UBE2R2: variants seen among roughly 807,000 people sequenced by gnomAD.
UBE2R2 encodes the protein ubiquitin conjugating enzyme E2 R2, also known as ubiquitin-conjugating enzyme E2 R2.
In UBE2R2, 1 loss-of-function variant was observed where a neutral mutation model predicts 27.8. The ratio of observed to expected loss-of-function variants is 0.04; its 90% confidence interval spans 0.01 to 0.17. The LOEUF (loss-of-function observed/expected upper bound fraction) is 0.17. Ranked by LOEUF, UBE2R2 falls within the 10% of genes least tolerant of loss-of-function variation. The pLI is 1.00. For missense variants in UBE2R2, 100 were observed against 291.0 expected, an observed-to-expected ratio of 0.34 and a Z score of 4.78; for synonymous variants, 106 against 113.3, an observed-to-expected ratio of 0.94 and a Z score of 0.41.
intron 2 of UBE2R2, among the ~76,000 whole-genome samples, chr9:33,897,278 C>T (rs566388327): frequency 4.0e-5 from 6 of 150,032 alleles, no homozygotes; most frequent in Middle Eastern, 3.4e-3. Flanking sequence ...CCTCGTGATC[C>T]GCTGGCCTCG....
intron 2 of UBE2R2, among the ~76,000 whole-genome samples, chr9:33,892,001 T>C (rs1821997356): frequency 6.6e-6 from 1 of 152,254 alleles, no homozygotes; most frequent in South Asian, 2.1e-4. Context: ...TATGTGTGTG[T>C]GCATATATAT....
chr9:33,825,789 C>A (rs1432389870), intron 1 of UBE2R2, among the ~76,000 whole-genome samples: 3 of 152,130 alleles, frequency 2.0e-5, no homozygotes, highest in Non-Finnish European at 4.4e-5. Context: ...AGGTTTAATT[C>A]TTTTATGTTT....
At chr9:33,845,818 G>A (rs1483435076) in intron 1 of UBE2R2, among the ~76,000 whole-genome samples, 1 of 151,602 alleles carries the variant, frequency 6.6e-6, no homozygotes, top group Non-Finnish European at 1.5e-5. Flanking sequence ...GACCAGCCTG[G>A]CCAACATGGC....
rs2130809579 is a variant in UBE2R2 at position 33,900,186 on chromosome 9, T to C, written c.277T>C (p.Cys93Arg). The stretch of plus-strand genomic sequence containing the variant: ...TTGTGTCTTGTAGAATGGAGATGTA[T>C]GCATTTCGATTCTTCATCCGCCTGT... The part of the protein sequence containing the change: ...HPNIYENGDV[C>R]ISILHPPVDD... The change falls in exon 3 of 5, where the codon TGC becomes CGC. Residue 93 changes from cysteine to arginine, a missense_variant. Transcript: ENST00000263228. The C allele has an allele frequency of 6.2e-7, 1 of 1,612,846 alleles. No homozygotes were observed. The highest frequency in any genetic ancestry group is 1.3e-5 in the African/African-American group (1 of 75,012).
chr9:33,865,968 A>G (rs1169809369), intron 1 of UBE2R2, among the ~76,000 whole-genome samples: 4 of 151,568 alleles, frequency 2.6e-5, no homozygotes, highest in African/African-American at 4.8e-5. Context: ...AGTAGCTAGG[A>G]TTACGGGTGC....
chr9:33,900,440 A>G (rs1335626253), intron 3 of UBE2R2, among the ~76,000 whole-genome samples, 169 bp downstream of exon 3: 1 of 152,148 alleles, frequency 6.6e-6, no homozygotes, highest in Non-Finnish European at 1.5e-5. Flanking sequence ...CATTTTGAAG[A>G]GCTGTATTTA....
intron 1 of UBE2R2, among the ~76,000 whole-genome samples, chr9:33,861,682 G>C (rs1000321428): frequency 1.3e-5 from 2 of 151,848 alleles, no homozygotes; most frequent in African/African-American, 4.8e-5. Context: ...AATTTTAAAG[G>C]GTTTATTTTG....
intron 2 of UBE2R2, 149 bp downstream of exon 2, chr9:33,887,116 GATTA>G (rs1041563736): frequency 6.7e-5 from 44 of 652,800 alleles, no homozygotes; most frequent in Middle Eastern, 3.8e-4. Context: ...ACAGTTTCTG[GATTA>G]ATTATTTAAC....
chr9:33,904,132 G>A (rs1031459063), intron 3 of UBE2R2, among the ~76,000 whole-genome samples: 7 of 152,136 alleles, frequency 4.6e-5, no homozygotes, highest in Admixed American at 2.0e-4. Flanking sequence ...GAATACTTTC[G>A]CTTATCCCTT....
At position 33,918,323 on chromosome 9, in the gene UBE2R2, A is replaced by G. The variant is rs1822707293; in HGVS notation, c.*1086A>G. On this transcript the variant is annotated 3_prime_UTR_variant, in exon 5 of 5. Transcript: ENST00000263228. ...GATTTCGGTTTTCATCGAGCTGCTT[A>G]TACTGATAGTGAAAAACTTGGATGT... 6.6e-6 allele frequency: 1 copy of G among 152,088 alleles called. No individual in the cohort carries two copies. Among genetic ancestry groups the G allele is most frequent in the African/African-American group, 2.4e-5 (1 of 41,392 alleles). The allele number at this position is 152,088 out of a possible 1,614,324, so 9.4% of individuals were successfully genotyped here.
At chr9:33,908,936 T>TA (rs1190355700) in intron 3 of UBE2R2, among the ~76,000 whole-genome samples, 1 of 151,892 alleles carries the variant, frequency 6.6e-6, no homozygotes, top group African/African-American at 2.4e-5. Context: ...TTTGAGGCTG[T>TA]AGTGTGCTAT....
chr9:33,867,118 G>C (rs1821381358), intron 1 of UBE2R2, among the ~76,000 whole-genome samples: 1 of 152,004 alleles, frequency 6.6e-6, no homozygotes, highest in African/African-American at 2.4e-5. Flanking sequence ...TCAATCTGCT[G>C]ACCTTGTGAT....
At chr9:33,821,719 G>A (rs536889809) in intron 1 of UBE2R2, among the ~76,000 whole-genome samples, 10 of 151,774 alleles carry the variant, frequency 6.6e-5, no homozygotes, top group Non-Finnish European at 1.2e-4. Context: ...GGGTTCAAGC[G>A]ATTCTCTTGC....
chr9:33,876,355 C>T (rs1821602898), intron 1 of UBE2R2, among the ~76,000 whole-genome samples: 1 of 151,700 alleles, frequency 6.6e-6, no homozygotes, highest in African/African-American at 2.4e-5. Flanking sequence ...GACTCCATCT[C>T]AAAAATAAAT....
At chr9:33,849,780 C>T (rs1051339505) in intron 1 of UBE2R2, among the ~76,000 whole-genome samples, 1 of 151,856 alleles carries the variant, frequency 6.6e-6, no homozygotes, top group Non-Finnish European at 1.5e-5. Context: ...TGACTTGAGC[C>T]CAAGAGGTGG....
chr9:33,841,812 G>A (rs181129087), intron 1 of UBE2R2, among the ~76,000 whole-genome samples: 25 of 151,876 alleles, frequency 1.6e-4, no homozygotes, highest in Admixed American at 3.3e-4. Context: ...TTGTTTTCTC[G>A]TATATTACAC....
chr9:33,826,111 A>G (rs1587424885), intron 1 of UBE2R2, among the ~76,000 whole-genome samples: 1 of 150,542 alleles, frequency 6.6e-6, no homozygotes, highest in African/African-American at 2.4e-5. Context: ...GTGCCACTGC[A>G]CTCCAGCCTG....
intron 2 of UBE2R2, among the ~76,000 whole-genome samples, chr9:33,899,930 TC>T (rs1313056974): frequency 1.3e-5 from 2 of 152,222 alleles, no homozygotes; most frequent in African/African-American, 4.8e-5. Flanking sequence ...GTTTGTTTCA[TC>T]AGGATTGTTC....
intron 1 of UBE2R2, among the ~76,000 whole-genome samples, chr9:33,820,419 C>A (rs1251919007): frequency 6.6e-6 from 1 of 152,076 alleles, no homozygotes; most frequent in African/African-American, 2.4e-5. Flanking sequence ...GAAGTTTGTT[C>A]GATTGTATTT....
Sources: allele counts gnomAD v4.1 joint callset (sites outside exome capture counted in the v4.1 genomes callset), GRCh38; gene constraint gnomAD v4.1.1; transcripts MANE v1.5; gene names NCBI Gene and HGNC (gene_info 2026-07-23, HGNC 2026-07-21).